WWOX: variants seen among roughly 807,000 people sequenced by gnomAD.
WWOX encodes the protein WW domain containing oxidoreductase, also known as WW domain-containing oxidoreductase.
In WWOX, 69 loss-of-function variants were observed where a neutral mutation model predicts 46.2. That is an observed-to-expected ratio of 1.49 (90% CI 1.23 to 1.82). WWOX has a LOEUF of 1.82. Ranked by LOEUF, WWOX falls within the 40% of genes most tolerant of loss-of-function variation. WWOX has a pLI of 0.00. For missense variants in WWOX, 919 were observed against 542.6 expected, an observed-to-expected ratio of 1.69 and a Z score of -6.89; for synonymous variants, 359 against 202.6, an observed-to-expected ratio of 1.77 and a Z score of -6.56.
At chr16:78,675,183 A>T (rs1008332918) in intron 8 of WWOX, among the ~76,000 whole-genome samples, 11 of 152,136 alleles carry the variant, frequency 7.2e-5, no homozygotes. Flanking sequence ...ATGTATATTT[A>T]ACAGGTAAGG....
At chr16:78,265,647 C>T (rs2079346464) in intron 5 of WWOX, among the ~76,000 whole-genome samples, 1 of 149,442 alleles carries the variant, frequency 6.7e-6, no homozygotes, top group South Asian at 2.1e-4. Flanking sequence ...CGTTGCACTC[C>T]AGCCTGGGCA....
At chr16:78,584,905 T>C (rs998977611) in intron 8 of WWOX, among the ~76,000 whole-genome samples, 2 of 152,216 alleles carry the variant, frequency 1.3e-5, no homozygotes, top group Non-Finnish European at 2.9e-5. Flanking sequence ...TTCCCATTCA[T>C]TGACAGAATT....
At chr16:78,854,833 C>T (rs777974370) in intron 8 of WWOX, among the ~76,000 whole-genome samples, 6 of 151,946 alleles carry the variant, frequency 3.9e-5, no homozygotes, top group Non-Finnish European at 8.8e-5. Flanking sequence ...CTGCCCTCCT[C>T]GGCCTCCCAA....
chr16:78,119,426 G>A (rs1567582035), intron 4 of WWOX, among the ~76,000 whole-genome samples: 1 of 151,658 alleles, frequency 6.6e-6, no homozygotes, highest in Non-Finnish European at 1.5e-5. Context: ...GCTACCTGCA[G>A]GCTGACATGT....
At chr16:79,137,310 C>A (rs1243631855) in intron 8 of WWOX, among the ~76,000 whole-genome samples, 3 of 152,180 alleles carry the variant, frequency 2.0e-5, no homozygotes. Context: ...AGCTGAGGAG[C>A]TTGACAATCT....
Position 78,914,795 on chromosome 16 carries a change from C to T in WWOX, c.1057-296813C>T, listed in dbSNP as rs530458495. 1.0e-3 allele frequency among the ~76,000 whole-genome samples: 147 copies of T among 145,774 alleles called. 1 individual carries two copies. Among genetic ancestry groups the T allele is most frequent in the African/African-American group, 3.1e-3 (121 of 39,594 alleles). On this transcript the variant is annotated intron_variant, in intron 8 of 8. Coordinates refer to ENST00000566780, the MANE Select transcript of WWOX (RefSeq NM_016373.4). ...TCTGGAGGCTGAGGCAGGAGAATGGCGTGAACCCAGGAGGCGGAGCTTGCA... is the reference window on the plus strand; with the variant it reads ...TCTGGAGGCTGAGGCAGGAGAATGGTGTGAACCCAGGAGGCGGAGCTTGCA...
chr16:78,631,067 AGAT>A (rs2046416914), intron 8 of WWOX, among the ~76,000 whole-genome samples: 1 of 152,190 alleles, frequency 6.6e-6, no homozygotes. Context: ...AGTAATCTAG[AGAT>A]GATTTAAAGT....
At position 78,144,429 on chromosome 16, in the gene WWOX, C is replaced by CTATATATATATATATATATATATATA. The variant is rs1231079672; in HGVS notation, c.410-19736_410-19735insTATATATATATATATATATATATATA. Among the ~76,000 whole-genome samples, 54 of 15,384 alleles carry CTATATATATATATATATATATATATA rather than the reference C, an allele frequency of 3.5e-3. 2 individuals are homozygous for CTATATATATATATATATATATATATA. Among genetic ancestry groups the CTATATATATATATATATATATATATA allele is most frequent in the Admixed American group, 5.9e-3 (5 of 850 alleles). The allele number at this position is 15,384 out of a possible 152,430, so 10.1% of individuals were successfully genotyped here. On this transcript the variant is annotated intron_variant, in intron 4 of 8. Transcript: ENST00000566780. ...GGTGCAAACGTGGTTTTTGCCATTACTATATATATATATATATACACATAT... is the reference window on the plus strand; with the variant it reads ...GGTGCAAACGTGGTTTTTGCCATTACTATATATATATATATATATATATATATATATATATATATATATACACATAT...
intron 5 of WWOX, among the ~76,000 whole-genome samples, chr16:78,202,502 G>T (rs575390624): frequency 6.6e-6 from 1 of 152,162 alleles, no homozygotes; most frequent in East Asian, 1.9e-4. Flanking sequence ...TGTAGACCTC[G>T]GTTGTAACCA....
intron 8 of WWOX, among the ~76,000 whole-genome samples, chr16:78,975,083 A>G (rs2046544923): frequency 6.6e-6 from 1 of 152,126 alleles, no homozygotes; most frequent in Non-Finnish European, 1.5e-5. Flanking sequence ...TTGCCTTGTT[A>G]CTCTGCATTT....
At chr16:79,025,022 C>T (rs2047609416) in intron 8 of WWOX, among the ~76,000 whole-genome samples, 1 of 152,180 alleles carries the variant, frequency 6.6e-6, no homozygotes, top group Non-Finnish European at 1.5e-5. Context: ...CACCGCCAGG[C>T]CCAGTTGGGG....
chr16:78,247,217 C>G (rs1174947428), intron 5 of WWOX, among the ~76,000 whole-genome samples: 1 of 151,926 alleles, frequency 6.6e-6, no homozygotes, highest in Non-Finnish European at 1.5e-5. Flanking sequence ...GTGGCCGCCC[C>G]CCTGCCAGCA....
At chr16:78,285,599 A>G (rs1456506951) in intron 5 of WWOX, among the ~76,000 whole-genome samples, 1 of 152,186 alleles carries the variant, frequency 6.6e-6, no homozygotes, top group Non-Finnish European at 1.5e-5. Context: ...TGCTGGGGGA[A>G]GATTTTGCAA....
At chr16:78,888,374 C>G (rs941599592) in intron 8 of WWOX, among the ~76,000 whole-genome samples, 4 of 152,144 alleles carry the variant, frequency 2.6e-5, no homozygotes, top group African/African-American at 9.7e-5. Context: ...AGAGGCAGCT[C>G]CCTTGGCCCT....
In WWOX at chr16:78,101,672, T is replaced by TA. The variant is rs540397695; in HGVS notation, c.107+1791dup. ...CCCTCCCCTCTCCCTTGGTAGGTTG[T>TA]AAAATCTTCCCTCCCAGGTGATTCT... On this transcript the variant is annotated intron_variant, in intron 1 of 8. Transcript: ENST00000566780. 1.1e-3 allele frequency among the ~76,000 whole-genome samples: 168 copies of TA among 152,248 alleles called. 1 individual carries two copies. Among genetic ancestry groups the TA allele is most frequent in the African/African-American group, 2.2e-3 (90 of 41,562 alleles).
intron 4 of WWOX, among the ~76,000 whole-genome samples, chr16:78,147,939 T>C (rs1022902426): frequency 6.6e-6 from 1 of 151,996 alleles, no homozygotes; most frequent in African/African-American, 2.4e-5. Flanking sequence ...GAACGGGGTC[T>C]CTTTGGATGA....
At chr16:79,002,440 C>G (rs910421578) in intron 8 of WWOX, among the ~76,000 whole-genome samples, 5 of 151,932 alleles carry the variant, frequency 3.3e-5, no homozygotes, top group Non-Finnish European at 5.9e-5. Flanking sequence ...CCAGGCTGCT[C>G]TCGAACTCCT....
chr16:78,679,271 C>G (rs1012449510), intron 8 of WWOX, among the ~76,000 whole-genome samples: 3 of 152,174 alleles, frequency 2.0e-5, no homozygotes, highest in East Asian at 1.9e-4. Context: ...GGTGAGGTGG[C>G]TGGGTGCAGT....
At chr16:78,533,782 C>A (rs1024087903) in intron 8 of WWOX, among the ~76,000 whole-genome samples, 2 of 152,150 alleles carry the variant, frequency 1.3e-5, no homozygotes, top group East Asian at 3.9e-4. Context: ...GTTGTAGGCC[C>A]CTCCCGAATG....
Sources: allele counts gnomAD v4.1 joint callset (sites outside exome capture counted in the v4.1 genomes callset), GRCh38; gene constraint gnomAD v4.1.1; transcripts MANE v1.5; gene names NCBI Gene and HGNC (gene_info 2026-07-23, HGNC 2026-07-21).